Variants in ANKRD11 observed in about 807,000 individuals in gnomAD.
The protein encoded by ANKRD11 is ankyrin repeat domain-containing protein 11.
ANKRD11 carries 17 observed loss-of-function variants against 195.7 expected under a neutral mutation model. That is an observed-to-expected ratio of 0.09 (90% confidence interval 0.06 to 0.13). ANKRD11 has a LOEUF of 0.13. ANKRD11 is among the 10% of genes least tolerant of loss of function. The pLI is 1.00. For missense variants in ANKRD11, 3,735 were observed against 3,566.1 expected, an observed-to-expected ratio of 1.05 and a Z score of -1.21; for synonymous variants, 1,953 against 1,528.1, an observed-to-expected ratio of 1.28 and a Z score of -6.49.
intron 1 of ANKRD11, among the ~76,000 whole-genome samples, chr16:89,475,331 T>C (rs2057220756): frequency 1.3e-5 from 2 of 152,088 alleles, no homozygotes. Flanking sequence ...AAGAAGACAA[T>C]TCCATTCCCC....
intron 2 of ANKRD11, among the ~76,000 whole-genome samples, chr16:89,361,904 A>G (rs1162317396): frequency 6.6e-6 from 1 of 152,214 alleles, no homozygotes; most frequent in Non-Finnish European, 1.5e-5. Context: ...GAGGGACAGT[A>G]AAGGTCAGAC....
chr16:89,325,081 A>G lies in ANKRD11; in HGVS notation c.-59-8003T>C, dbSNP rs914917653. ...CACAAGTATGCCCTATAGCCCAGCA[A>G]TGCCATTCTGGACATACACGTCCAA... On this transcript the variant is annotated intron_variant, in intron 2 of 12. Transcript: ENST00000301030. 2.0e-5 allele frequency: 3 copies of G among 153,394 alleles called. No individual in the cohort carries two copies. In the East Asian group the frequency reaches 5.8e-4, roughly 29 times the overall value. 9.5% of individuals were successfully genotyped at this position (153,394 alleles called of 1,614,324 possible).
chr16:89,278,322 G>T, intron 9 of ANKRD11: 1 of 354,388 alleles, frequency 2.8e-6, no homozygotes, highest in South Asian at 2.1e-5. Flanking sequence ...AGGAGGAGGT[G>T]GGAACCCAGT....
chr16:89,336,368 G>A lies in ANKRD11; in HGVS notation c.-59-19290C>T, dbSNP rs551153303. On this transcript the variant is annotated intron_variant, in intron 2 of 12. Coordinates refer to ENST00000301030, the MANE Select transcript of ANKRD11 (RefSeq NM_013275.6). ...TCGTCAGACCTAGAGGCGGGTGTGC[G>A]TCCACAGACAGCACACTGGATTCAA... 9.2e-5 allele frequency among the ~76,000 whole-genome samples: 14 copies of A among 152,300 alleles called. No homozygotes were observed. In the East Asian group the frequency reaches 2.3e-3, roughly 25 times the overall value.
At chr16:89,375,909 G>A (rs1342606301) in intron 2 of ANKRD11, among the ~76,000 whole-genome samples, 2 of 152,072 alleles carry the variant, frequency 1.3e-5, no homozygotes, top group African/African-American at 4.8e-5. Context: ...AAGAAGCAGA[G>A]CTCCCAGGAG....
rs1392033322 is a variant in ANKRD11, at chr16:89,385,814, T to C, written c.-60+32470A>G. 4.6e-5 allele frequency among the ~76,000 whole-genome samples: 7 copies of C among 152,222 alleles called. No individual in the cohort carries two copies. In the East Asian group the frequency reaches 1.3e-3, roughly 29 times the overall value. Reference sequence around the variant, plus strand: ...AGCCTGCCTGCCTCACCCCCGCCGCTGCGCAGCCAGAGGCCGGGGATTAGG... The same window carrying C: ...AGCCTGCCTGCCTCACCCCCGCCGCCGCGCAGCCAGAGGCCGGGGATTAGG... On this transcript the variant is annotated intron_variant, in intron 2 of 12. Transcript: ENST00000301030.
chr16:89,323,769 C>G lies in ANKRD11; in HGVS notation c.-59-6691G>C, dbSNP rs533840648. The G allele has an allele frequency of 2.0e-5, 5 of 255,198 alleles. No homozygotes were observed. In the Admixed American group the frequency reaches 2.6e-4, roughly 13 times the overall value. 15.8% of individuals were successfully genotyped at this position (255,198 alleles called of 1,614,324 possible). A position where few individuals can be genotyped will look rare whatever the true frequency, so the allele number is the denominator to read the frequency against. ...ACTCTCTCTCCTTCCTCCTCAGGGC[C>G]GCACCAGCTCTCTCTCCTTCCCCTC... On this transcript the variant is annotated intron_variant, in intron 2 of 12. Transcript: ENST00000301030.
At chr16:89,322,239 C>T (rs1315218665) in intron 2 of ANKRD11, among the ~76,000 whole-genome samples, 1 of 152,226 alleles carries the variant, frequency 6.6e-6, no homozygotes, top group African/African-American at 2.4e-5. Flanking sequence ...GTGAGTCTCT[C>T]TCCCTGAACA....
At chr16:89,386,818 G>T (rs1469414891) in intron 2 of ANKRD11, among the ~76,000 whole-genome samples, 2 of 152,180 alleles carry the variant, frequency 1.3e-5, no homozygotes, top group African/African-American at 2.4e-5. Flanking sequence ...TCTCCATAAA[G>T]CAGAAGCCTG....
At chr16:89,454,971 C>G (rs1307128822) in intron 1 of ANKRD11, among the ~76,000 whole-genome samples, 3 of 99,820 alleles carry the variant, frequency 3.0e-5, no homozygotes, top group Admixed American at 9.8e-5. Context: ...TCAAGCTGCT[C>G]CCCTGGGTGC....
At position 89,284,572 on chromosome 16, in the gene ANKRD11, A is replaced by T. The variant is rs374714172; in HGVS notation, c.1970T>A (p.Phe657Tyr). ...CTTGGAGTCCTCATATTCGTAAGTA[A>T]AACTTTTCAACTTCAGCTCTTGGCT... ...SISQELKLKS[F>Y]TYEYEDSKQK... The change falls in exon 9 of 13, where the codon TTT (phenylalanine) becomes TAT (tyrosine). Residue 657 changes from phenylalanine (F) to tyrosine (Y), a missense_variant. Physicochemically the swap from Phe to Tyr is conservative, Grantham distance 22. Transcript: ENST00000301030. 5.5e-5 allele frequency: 88 copies of T among 1,613,988 alleles called. No individual in the cohort carries two copies. Among genetic ancestry groups the T allele is most frequent in the Non-Finnish European group, 7.0e-5 (83 of 1,180,044 alleles).
rs2034370635 is a variant in ANKRD11 at position 89,282,805 on chromosome 16, T to A, written c.3737A>T (p.His1246Leu). ...QKLPEKAEKK[H>L]AAEDKAKSKH... ...GCTTTTAGCCTTGTCTTCGGCAGCG[T>A]GCTTCTTTTCAGCCTTCTCGGGGAG... is the stretch of plus-strand genomic sequence containing the variant. Residue 1246 changes from histidine (H) to leucine (L), a missense_variant, in exon 9 of 13, where the codon CAC becomes CTC. Transcript: ENST00000301030. 6 of 1,611,570 alleles carry A rather than the reference T, an allele frequency of 3.7e-6. No homozygotes were observed. Among genetic ancestry groups the A allele is most frequent in the Non-Finnish European group, 3.4e-6 (4 of 1,180,016 alleles).
At chr16:89,486,599 T>G (rs1346431799) in intron 1 of ANKRD11, among the ~76,000 whole-genome samples, 2 of 152,048 alleles carry the variant, frequency 1.3e-5, no homozygotes, top group Non-Finnish European at 2.9e-5. Flanking sequence ...ATGGCCCAAC[T>G]GAGGAAAGGC....
intron 2 of ANKRD11, among the ~76,000 whole-genome samples, chr16:89,331,165 G>T (rs1408267132): frequency 6.6e-6 from 1 of 152,174 alleles, no homozygotes; most frequent in Non-Finnish European, 1.5e-5. Flanking sequence ...TGTTGGCCAG[G>T]CTGGTCTCGA....
chr16:89,305,538 T>G (rs1427090887), intron 3 of ANKRD11, among the ~76,000 whole-genome samples, 194 bp from the exon 4 acceptor site: 4 of 152,076 alleles, frequency 2.6e-5, no homozygotes, highest in Non-Finnish European at 5.9e-5. Flanking sequence ...GGTCGGGCTG[T>G]GGCTCAGCCC....
At chr16:89,344,870 C>A (rs1274722185) in intron 2 of ANKRD11, among the ~76,000 whole-genome samples, 1 of 152,232 alleles carries the variant, frequency 6.6e-6, no homozygotes, top group Non-Finnish European at 1.5e-5. Context: ...TCTTCATCTT[C>A]AAGAGAACCT....
At chr16:89,426,113 C>T (rs1228578298) in intron 1 of ANKRD11, among the ~76,000 whole-genome samples, 1 of 152,064 alleles carries the variant, frequency 6.6e-6, no homozygotes, top group African/African-American at 2.4e-5. Context: ...AGGAGGCATC[C>T]GACTCCTGCC....
At chr16:89,388,781 C>A (rs1597244685) in intron 2 of ANKRD11, among the ~76,000 whole-genome samples, 1 of 152,310 alleles carries the variant, frequency 6.6e-6, no homozygotes, top group East Asian at 1.9e-4. Flanking sequence ...AGATCCCTGT[C>A]CGCAGCCCTG....
intron 1 of ANKRD11, among the ~76,000 whole-genome samples, chr16:89,462,063 T>TCTCTCC (rs898275434): frequency 2.3e-4 from 7 of 30,252 alleles, no homozygotes; most frequent in Middle Eastern, 0.042. Context: ...TCCCTCTCCC[T>TCTCTCC]CTCTCCCTCT....
Sources: allele counts gnomAD v4.1 joint callset (sites outside exome capture counted in the v4.1 genomes callset), GRCh38; gene constraint gnomAD v4.1.1; transcripts MANE v1.5; gene names NCBI Gene and HGNC (gene_info 2026-07-23, HGNC 2026-07-21).